GAREM1: variants seen among roughly 807,000 people sequenced by gnomAD.
GAREM1 encodes the protein GRB2 associated regulator of MAPK1 subtype 1, also known as GRB2-associated and regulator of MAPK protein 1.
In GAREM1, 26 loss-of-function variants were observed where a neutral mutation model predicts 71.3. The ratio of observed to expected loss-of-function variants is 0.36; its 90% CI spans 0.27 to 0.51. The LOEUF is 0.51. Among genes scored for constraint, GAREM1 ranks in the 20% least tolerant of loss-of-function variants. The pLI is 0.95. For synonymous variants in GAREM1, 440 were observed against 433.2 expected (o/e 1.02, Z -0.20); for missense variants, 1,026 against 1,103.1 (o/e 0.93, Z 0.99).
At chr18:32,312,430 G>A (rs1381840890) in intron 2 of GAREM1, among the ~76,000 whole-genome samples, 1 of 152,146 alleles carries the variant, frequency 6.6e-6, no homozygotes, top group Non-Finnish European at 1.5e-5. Flanking sequence ...ACAGTGAAAT[G>A]AGGGCTGAAA....
At chr18:32,352,665 T>G (rs1285262847) in intron 2 of GAREM1, among the ~76,000 whole-genome samples, 2 of 152,148 alleles carry the variant, frequency 1.3e-5, no homozygotes, top group Non-Finnish European at 2.9e-5. Flanking sequence ...TTTCTCTGAT[T>G]TACCTTTTCT....
chr18:32,309,580 T>C (rs1262348), intron 3 of GAREM1, among the ~76,000 whole-genome samples: 6 of 122,594 alleles, frequency 4.9e-5, no homozygotes, highest in Non-Finnish European at 6.3e-5. Flanking sequence ...CGCGCCACTG[T>C]ACTCCAGCCT....
intron 2 of GAREM1, among the ~76,000 whole-genome samples, chr18:32,367,756 C>T (rs2047940351): frequency 6.6e-6 from 1 of 152,066 alleles, no homozygotes; most frequent in South Asian, 2.1e-4. Flanking sequence ...ACCATGATGA[C>T]CATACAAAGC....
At chr18:32,270,482 G>GT (rs1186075122) in intron 4 of GAREM1, 99 bp from the exon 5 acceptor site, 12 of 968,270 alleles carry the variant, frequency 1.2e-5, no homozygotes, top group East Asian at 5.3e-5. Context: ...CTCTTAAACC[G>GT]TAACAGCAGG....
intron 1 of GAREM1, among the ~76,000 whole-genome samples, chr18:32,425,821 G>A (rs2144248209): frequency 6.6e-6 from 1 of 152,236 alleles, no homozygotes; most frequent in African/African-American, 2.4e-5. Flanking sequence ...TTGTGAGAAA[G>A]AAAACAGTTG....
intron 1 of GAREM1, among the ~76,000 whole-genome samples, chr18:32,424,651 T>C (rs1451952796): frequency 6.6e-6 from 1 of 152,208 alleles, no homozygotes; most frequent in East Asian, 1.9e-4. Context: ...TGGAACCAGA[T>C]GAGATCATTT....
Position 32,408,997 on chromosome 18 carries a change from C to T in GAREM1, c.122-15962G>A, listed in dbSNP as rs180960894. Among the ~76,000 whole-genome samples, 9 of 152,202 alleles carry T rather than the reference C, an allele frequency of 5.9e-5. No homozygotes were observed. The East Asian group carries it at 1.4e-3, about 23-fold the overall frequency. On this transcript the variant is annotated intron_variant, in intron 1 of 5. Transcript: ENST00000269209. ...AATGAGAGAATAAGTGCTAAAGATG[C>T]ACTTAAGTCTCCATAGTGCCTATCT...
chr18:32,301,708 C>T (rs916710424), intron 3 of GAREM1, among the ~76,000 whole-genome samples: 4 of 152,182 alleles, frequency 2.6e-5, no homozygotes, highest in African/African-American at 9.7e-5. Flanking sequence ...GCTATAAAAC[C>T]CGGGACCTTC....
chr18:32,470,303 C>A lies in GAREM1; in HGVS notation c.121+5G>T. ...CGTCTGCCCCGCGCCCCAGCTGGGA[C>A]TCACCGTTGTCCAGGCGCGCGATCT... On this transcript the variant is annotated splice_donor_5th_base_variant and intron_variant, in intron 1 of 5. Transcript: ENST00000269209. This position sits in a 1 kb window ranked among gnomAD's most constrained non-coding sequence, Gnocchi z 4.4. 1 of 1,542,836 alleles carries A rather than the reference C, an allele frequency of 6.5e-7. No homozygotes were observed. The highest frequency in any genetic ancestry group is 1.9e-5 in the Admixed American group (1 of 52,778).
chr18:32,402,881 G>C (rs1168177307), intron 1 of GAREM1, among the ~76,000 whole-genome samples: 7 of 114,538 alleles, frequency 6.1e-5, no homozygotes, highest in African/African-American at 2.7e-4. Flanking sequence ...TGTGCTCGTG[G>C]AGTGGACCTT....
chr18:32,336,429 CAA>C (rs35803922), intron 2 of GAREM1, among the ~76,000 whole-genome samples: 9,496 of 72,520 alleles, frequency 0.13, 428 homozygotes, highest in African/African-American at 0.25. Context: ...GACTCCGTCT[CAA>C]AAAAAAAAAA....
At chr18:32,403,421 T>G (rs750250453) in intron 1 of GAREM1, among the ~76,000 whole-genome samples, 4 of 152,168 alleles carry the variant, frequency 2.6e-5, no homozygotes, top group African/African-American at 4.8e-5. Context: ...CCAAAGGGAC[T>G]GTTCTCTGTT....
At chr18:32,410,084 C>G (rs1160005772) in intron 1 of GAREM1, among the ~76,000 whole-genome samples, 4 of 152,130 alleles carry the variant, frequency 2.6e-5, no homozygotes, top group African/African-American at 9.7e-5. Context: ...AAGAGATGCT[C>G]ACACCATAAA....
intron 4 of GAREM1, among the ~76,000 whole-genome samples, chr18:32,286,323 T>C (rs4799643): frequency 8.9e-6 from 1 of 112,874 alleles, no homozygotes; most frequent in Admixed American, 8.9e-5. Flanking sequence ...GGTTCTGGAG[T>C]GTGTGTGTGT....
In GAREM1 at chr18:32,384,931, CTA is replaced by C. The variant is rs138484018; in HGVS notation, c.262+7962_262+7963del. ...TTTACCCTCTATCTGACCACAAAAA[CTA>C]TGTTACAGCAGCTATGAAATTTAAG... On this transcript the variant is annotated intron_variant, in intron 2 of 5. Coordinates refer to ENST00000269209, the MANE Select transcript of GAREM1 (RefSeq NM_001242409.2). 8.5e-3 allele frequency among the ~76,000 whole-genome samples: 1,298 copies of C among 152,192 alleles called. 19 individuals carry two copies. The highest frequency in any genetic ancestry group is 0.03 in the African/African-American group (1,239 of 41,520).
At chr18:32,376,479 A>G (rs531251223) in intron 2 of GAREM1, among the ~76,000 whole-genome samples, 2 of 152,340 alleles carry the variant, frequency 1.3e-5, no homozygotes, top group Non-Finnish European at 2.9e-5. Context: ...TAAACTGTAA[A>G]TATTTTTCTC....
chr18:32,329,827 G>A (rs1567966605), intron 2 of GAREM1, among the ~76,000 whole-genome samples: 1 of 151,882 alleles, frequency 6.6e-6, no homozygotes, highest in East Asian at 1.9e-4. Flanking sequence ...GAGTGATCGG[G>A]CACCATTTAG....
At chr18:32,307,579 A>G (rs959620553) in intron 3 of GAREM1, among the ~76,000 whole-genome samples, 6 of 152,100 alleles carry the variant, frequency 3.9e-5, no homozygotes, top group Admixed American at 1.3e-4. Flanking sequence ...CTGGAGTGCA[A>G]TGGCGTGATC....
intron 2 of GAREM1, among the ~76,000 whole-genome samples, chr18:32,376,937 A>G (rs1021148886): frequency 6.6e-6 from 1 of 152,250 alleles, no homozygotes; most frequent in African/African-American, 2.4e-5. Context: ...CATGATGTTT[A>G]GTATAAGCCA....
Sources: allele counts gnomAD v4.1 joint callset (sites outside exome capture counted in the v4.1 genomes callset), GRCh38; gene constraint gnomAD v4.1.1; non-coding constraint Gnocchi (gnomAD v3.1); transcripts MANE v1.5; gene names NCBI Gene and HGNC (gene_info 2026-07-23, HGNC 2026-07-21).